The following GRPR variants were observed in gnomAD, a reference collection of about 807,000 sequenced individuals.
The protein encoded by GRPR is gastrin releasing peptide receptor.
Under a neutral mutation model 15.6 loss-of-function variants are expected in GRPR, and 4 were observed. The observed-to-expected ratio is 0.26, with a 90% CI of 0.13 to 0.59. GRPR has a LOEUF of 0.59. Ranked by LOEUF, GRPR falls within the 20% of genes least tolerant of loss-of-function variation. The pLI, the probability that GRPR is intolerant of heterozygous loss-of-function variation, is 0.90. For missense variants in GRPR, 270 were observed against 304.1 expected (o/e 0.89, Z 0.83); for synonymous variants, 128 against 126.8 (o/e 1.01, Z -0.06).
intron 1 of GRPR, among the ~76,000 whole-genome samples, chrX:16,137,547 G>C (rs1412864874): frequency 8.9e-6 from 1 of 112,133 alleles, no homozygotes; most frequent in East Asian, 2.8e-4. Flanking sequence ...TTTCATTATA[G>C]GCTCATGTGA....
intron 1 of GRPR, among the ~76,000 whole-genome samples, chrX:16,134,970 T>G (rs1922427469): frequency 9.0e-6 from 1 of 111,440 alleles, no homozygotes. Flanking sequence ...ACTACCTCCC[T>G]TAAAGACCTG....
At position 16,134,821 on chromosome X, in the gene GRPR, GT is replaced by G. The variant is rs1240811586; in HGVS notation, c.413+10460del. On this transcript the variant is annotated intron_variant, in intron 1 of 2. Transcript: ENST00000380289. ...AAATGATGCTGAATAACAACTTCAC[GT>G]TTTTGCACATCATTTCTCTCCAGGA... Among the ~76,000 whole-genome samples the G allele has an allele frequency of 5.4e-5, 6 of 110,904 alleles. No individual in the cohort carries two copies. The East Asian group carries it at 1.7e-3, about 31-fold the overall frequency.
intron 1 of GRPR, among the ~76,000 whole-genome samples, chrX:16,144,625 G>A (rs765630355): frequency 1.4e-3 from 154 of 111,918 alleles, no homozygotes; most frequent in Admixed American, 3.7e-3. Flanking sequence ...GCTACTTCTA[G>A]TTGCCAAGAA....
At chrX:16,125,223 G>A (rs1922272038) in intron 1 of GRPR, among the ~76,000 whole-genome samples, 1 of 112,498 alleles carries the variant, frequency 8.9e-6, no homozygotes, top group Non-Finnish European at 1.9e-5. Context: ...CAAGTGTCTA[G>A]CATGTAAGAA....
intron 1 of GRPR, among the ~76,000 whole-genome samples, chrX:16,147,324 A>G (rs1301012122): frequency 1.8e-5 from 2 of 111,977 alleles, no homozygotes; most frequent in African/African-American, 6.5e-5. Context: ...GTACATTTAT[A>G]TTTGATTTTC....
chrX:16,143,870 C>T (rs756836798), intron 1 of GRPR, among the ~76,000 whole-genome samples: 2 of 111,731 alleles, frequency 1.8e-5, no homozygotes, highest in Non-Finnish European at 3.8e-5. Flanking sequence ...ATTTTGTTAA[C>T]ATATCCCCAC....
chrX:16,139,329 T>C (rs1266808802), intron 1 of GRPR, among the ~76,000 whole-genome samples: 1 of 112,234 alleles, frequency 8.9e-6, no homozygotes, highest in Non-Finnish European at 1.9e-5. Flanking sequence ...TTTCAGGAAA[T>C]ACAATAATAA....
intron 1 of GRPR, among the ~76,000 whole-genome samples, chrX:16,125,042 T>G (rs546488369): frequency 1.8e-5 from 2 of 112,435 alleles, no homozygotes; most frequent in African/African-American, 3.2e-5. Flanking sequence ...TGACAATACT[T>G]CATATACCAT....
At chrX:16,129,724 T>A (rs189024964) in intron 1 of GRPR, among the ~76,000 whole-genome samples, 2 of 111,635 alleles carry the variant, frequency 1.8e-5, no homozygotes, top group East Asian at 5.6e-4. Context: ...GCTTGGGGAA[T>A]TTAGGCATCC....
At chrX:16,133,530 TC>T (rs1376418594) in intron 1 of GRPR, among the ~76,000 whole-genome samples, 1 of 111,619 alleles carries the variant, frequency 9.0e-6, no homozygotes, top group Non-Finnish European at 1.9e-5. Flanking sequence ...TCACTTTACT[TC>T]TCCCCAAAGA....
intron 1 of GRPR, among the ~76,000 whole-genome samples, chrX:16,137,132 A>G (rs965211258): frequency 5.4e-5 from 6 of 111,795 alleles, no homozygotes; most frequent in African/African-American, 1.9e-4. Flanking sequence ...GAAAAGGCAT[A>G]CATCTGTGTG....
intron 1 of GRPR, among the ~76,000 whole-genome samples, chrX:16,143,145 C>A (rs1403578599): frequency 9.0e-6 from 1 of 111,509 alleles, no homozygotes; most frequent in Non-Finnish European, 1.9e-5. Flanking sequence ...AGCTCTTCAC[C>A]CCTCCATGCC....
intron 1 of GRPR, among the ~76,000 whole-genome samples, chrX:16,134,639 A>G (rs188638227): frequency 9.0e-6 from 1 of 110,936 alleles, no homozygotes; most frequent in East Asian, 2.8e-4. Context: ...CCTTTCAGGC[A>G]TCTCAACTAA....
chrX:16,150,518 C>G lies in GRPR; in HGVS notation c.627C>G (p.Ile209Met), dbSNP rs376776809. The change falls in exon 2 of 3, where the codon ATC (isoleucine) becomes ATG (methionine). Residue 209 changes from isoleucine to methionine, a missense_variant. Ile to Met is a conservative substitution (Grantham distance 10). This residue lies in a region of GRPR where 22 missense variants were observed against 51.9 expected (regional missense o/e 0.42). Coordinates refer to ENST00000380289, the MANE Select transcript of GRPR (RefSeq NM_005314.3). ...YPHSNELHPK[I>M]HSMASFLVFY... ...ACTCTAATGAGCTTCACCCCAAAAT[C>G]CATTCTATGGCTTCCTTTCTGGTCT... 1.2e-5 allele frequency: 14 copies of G among 1,198,805 alleles called. No homozygotes were observed. The African/African-American group carries it at 2.5e-4, about 21-fold the overall frequency.
Position 16,124,108 on chromosome X carries a change from T to C in GRPR, c.155T>C (p.Leu52Pro). The C allele has an allele frequency of 8.3e-7, 1 of 1,209,282 alleles. No individual in the cohort carries two copies. Among genetic ancestry groups the C allele is most frequent in the Non-Finnish European group, 1.1e-6 (1 of 893,089 alleles). The stretch of plus-strand genomic sequence containing the variant: ...CCTGCAGTTTATGGGGTTATCATTC[T>C]GATAGGCCTCATTGGCAACATCACT... ...VIPAVYGVII[L>P]IGLIGNITLI... The change falls in exon 1 of 3, where the codon CTG becomes CCG. Residue 52 changes from leucine to proline, a missense_variant. Transcript: ENST00000380289.
rs1922318749 is a variant in GRPR at position 16,127,976 on chromosome X, T to C, written c.413+3610T>C. ...TTGCTGTTTGGAAGTGTTTTGTTTG[T>C]CTGTTTATTTTAGCCTCTCATATAT... On this transcript the variant is annotated intron_variant, in intron 1 of 2. Coordinates refer to ENST00000380289, the MANE Select transcript of GRPR (RefSeq NM_005314.3). Among the ~76,000 whole-genome samples, 4 of 112,052 alleles carry C rather than the reference T, an allele frequency of 3.6e-5. No individual in the cohort carries two copies. The South Asian group carries it at 1.1e-3, about 31-fold the overall frequency.
At chrX:16,125,744 C>T (rs57946662) in intron 1 of GRPR, among the ~76,000 whole-genome samples, 4,490 of 111,559 alleles carry the variant, frequency 0.04, 77 homozygotes, top group African/African-American at 0.064. Context: ...CACATTGTAC[C>T]GACTGGACAG....
intron 1 of GRPR, among the ~76,000 whole-genome samples, chrX:16,132,700 CATT>C (rs1302327598): frequency 9.0e-6 from 1 of 111,475 alleles, no homozygotes; most frequent in Non-Finnish European, 1.9e-5. Flanking sequence ...CTTCATATCT[CATT>C]ATTGGTAGTG....
chrX:16,140,919 G>T (rs368710022), intron 1 of GRPR, among the ~76,000 whole-genome samples: 68 of 111,606 alleles, frequency 6.1e-4, no homozygotes, highest in African/African-American at 2.1e-3. Context: ...TTCGTGATTT[G>T]TTTTTTTCCC....
Sources: gnomAD v4.1 joint callset for allele counts (sites outside exome capture counted in the v4.1 genomes callset) on GRCh38, gnomAD v4.1.1 for gene constraint, gnomAD v4.1.1 regional missense constraint, MANE v1.5 for transcripts, NCBI Gene and HGNC (gene_info 2026-07-23, HGNC 2026-07-21) for gene names.